Variants in KCNMA1 observed in about 807,000 individuals in gnomAD.
KCNMA1 encodes potassium calcium-activated channel subfamily M alpha 1.
Under a neutral mutation model 140.0 loss-of-function variants are expected in KCNMA1, and 29 were observed. That is an observed-to-expected ratio of 0.21 (90% CI 0.15 to 0.28). The LOEUF (loss-of-function observed/expected upper bound fraction) is 0.28. Among genes scored for constraint, KCNMA1 ranks in the 10% least tolerant of loss-of-function variants. The pLI, the probability that KCNMA1 is intolerant of heterozygous loss-of-function variation, is 1.00. For synonymous variants in KCNMA1, 612 were observed against 611.9 expected, an observed-to-expected ratio of 1.00 and a Z score of 0.00; for missense variants, 880 against 1,602.2, an observed-to-expected ratio of 0.55 and a Z score of 7.70.
At chr10:76,998,415 G>C (rs2085092800) in intron 19 of KCNMA1, among the ~76,000 whole-genome samples, 1 of 152,156 alleles carries the variant, frequency 6.6e-6, no homozygotes, top group South Asian at 2.1e-4. Flanking sequence ...TGGCTCAACT[G>C]GGAAACTGCG....
intron 3 of KCNMA1, among the ~76,000 whole-genome samples, chr10:77,193,737 C>T (rs1400796521): frequency 1.3e-5 from 2 of 152,128 alleles, no homozygotes; most frequent in African/African-American, 4.8e-5. Flanking sequence ...TCTGGGACCA[C>T]TCACAAAACA....
At chr10:77,107,228 A>T (rs1325520493) in intron 9 of KCNMA1, among the ~76,000 whole-genome samples, 2 of 152,228 alleles carry the variant, frequency 1.3e-5, no homozygotes, top group Non-Finnish European at 2.9e-5. Flanking sequence ...TTAAGAGTTC[A>T]TTTGAAACAG....
chr10:77,186,776 A>AGTGTGT (rs1565084288), intron 3 of KCNMA1, among the ~76,000 whole-genome samples: 63 of 90,064 alleles, frequency 7.0e-4, no homozygotes, highest in African/African-American at 2.8e-3. Context: ...CTAAAGAGTA[A>AGTGTGT]ATGTGTGTGT....
chr10:77,295,358 A>G (rs1334393715), intron 2 of KCNMA1, among the ~76,000 whole-genome samples: 3 of 130,022 alleles, frequency 2.3e-5, no homozygotes, highest in Admixed American at 7.5e-5. Context: ...AAAAAAAAAA[A>G]AGAGAGTAGT....
intron 25 of KCNMA1, among the ~76,000 whole-genome samples, chr10:76,896,682 T>C (rs2042640582): frequency 6.6e-6 from 1 of 152,136 alleles, no homozygotes; most frequent in Admixed American, 6.5e-5. Flanking sequence ...ATATAAAATA[T>C]CCAGAAAAGG....
chr10:77,374,150 A>G (rs1447787954), intron 2 of KCNMA1, among the ~76,000 whole-genome samples: 4 of 152,204 alleles, frequency 2.6e-5, no homozygotes, highest in Non-Finnish European at 4.4e-5. Context: ...ACCCTTCCCC[A>G]GGTGCCCTGA....
At chr10:77,300,732 C>T (rs570410683) in intron 2 of KCNMA1, among the ~76,000 whole-genome samples, 5 of 152,310 alleles carry the variant, frequency 3.3e-5, no homozygotes, top group Admixed American at 2.0e-4. Context: ...GGTAATTTTG[C>T]AGCATAGTCT....
At chr10:77,382,865 CAAAAAAAAAA>C (rs767673552) in intron 2 of KCNMA1, among the ~76,000 whole-genome samples, 4 of 47,600 alleles carry the variant, frequency 8.4e-5, no homozygotes, top group Admixed American at 3.8e-4. Context: ...AGCTCCGTCT[CAAAAAAAAAA>C]AAAAAAAAAA....
chr10:77,154,995 C>T (rs1024974596), intron 5 of KCNMA1, among the ~76,000 whole-genome samples: 3 of 152,092 alleles, frequency 2.0e-5, no homozygotes, highest in Non-Finnish European at 2.9e-5. Context: ...CATCAGGGGA[C>T]GCAGGGGCAA....
intron 5 of KCNMA1, among the ~76,000 whole-genome samples, chr10:77,139,235 C>G (rs924912449): frequency 6.6e-6 from 1 of 152,088 alleles, no homozygotes; most frequent in Non-Finnish European, 1.5e-5. Flanking sequence ...GTGTATGTGC[C>G]CTTAGCTTAA....
chr10:77,404,060 A>G, intron 1 of KCNMA1, 37 bp from the exon 2 acceptor site: 1 of 1,607,816 alleles, frequency 6.2e-7, no homozygotes, highest in South Asian at 1.1e-5. Context: ...GACATAGGGA[A>G]CAATGGATTT....
intron 1 of KCNMA1, among the ~76,000 whole-genome samples, chr10:77,425,617 T>C (rs1015005365): frequency 6.6e-6 from 1 of 152,190 alleles, no homozygotes; most frequent in Non-Finnish European, 1.5e-5. Context: ...GGTGCGGCAA[T>C]GTGGGCTGCC....
At chr10:77,420,970 A>T (rs2096854463) in intron 1 of KCNMA1, among the ~76,000 whole-genome samples, 2 of 152,374 alleles carry the variant, frequency 1.3e-5, no homozygotes, top group Non-Finnish European at 1.5e-5. Flanking sequence ...TCTATCAGTC[A>T]CATCATGCCT....
chr10:77,311,282 C>T (rs2079197562), intron 2 of KCNMA1, among the ~76,000 whole-genome samples: 1 of 152,174 alleles, frequency 6.6e-6, no homozygotes, highest in African/African-American at 2.4e-5. Flanking sequence ...TCCCTGAGTC[C>T]CCATTAGGGC....
rs749277050 is a variant in KCNMA1 at position 77,168,185 on chromosome 10, G to T, written c.808+15236C>A. 2.6e-5 allele frequency among the ~76,000 whole-genome samples: 4 copies of T among 152,162 alleles called. No homozygotes were observed. The East Asian group carries it at 7.7e-4, about 29-fold the overall frequency. ...GCTGAGATCACAAAGATGTGAGTTC[G>T]AATTCTTGCTGTATCACTTGCTGAA... is the stretch of plus-strand genomic sequence containing the variant. On this transcript the variant is annotated intron_variant, in intron 5 of 27. Coordinates refer to ENST00000286628, the MANE Select transcript of KCNMA1 (RefSeq NM_001161352.2).
chr10:77,553,988 A>T (rs560302577), intron 1 of KCNMA1, among the ~76,000 whole-genome samples: 127 of 144,110 alleles, frequency 8.8e-4, no homozygotes, highest in African/African-American at 2.9e-3. Flanking sequence ...TTTTTTTTTT[A>T]AGGTTCCAAC....
At chr10:77,381,042 G>T (rs2154428606) in intron 2 of KCNMA1, among the ~76,000 whole-genome samples, 1 of 152,238 alleles carries the variant, frequency 6.6e-6, no homozygotes, top group African/African-American at 2.4e-5. Flanking sequence ...TTCTCCCCAA[G>T]GTTCTCTGAA....
At chr10:77,353,500 G>A (rs1052763002) in intron 2 of KCNMA1, among the ~76,000 whole-genome samples, 1 of 151,660 alleles carries the variant, frequency 6.6e-6, no homozygotes, top group Non-Finnish European at 1.5e-5. Context: ...AGTCTCTAGG[G>A]CTTACAGCAA....
At chr10:77,377,012 A>G (rs145183245) in intron 2 of KCNMA1, among the ~76,000 whole-genome samples, 5 of 147,428 alleles carry the variant, frequency 3.4e-5, no homozygotes, top group African/African-American at 1.2e-4. Flanking sequence ...CCCTTTTCAA[A>G]TGAGGAGTGG....
Sources: allele counts gnomAD v4.1 joint callset (sites outside exome capture counted in the v4.1 genomes callset), GRCh38; gene constraint gnomAD v4.1.1; transcripts MANE v1.5; gene names NCBI Gene and HGNC (gene_info 2026-07-23, HGNC 2026-07-21).